Variants in RBFOX1 observed in about 807,000 individuals in gnomAD.
RBFOX1 encodes the protein RNA binding fox-1 homolog 1.
RBFOX1 carries 8 observed loss-of-function variants against 57.7 expected under a neutral mutation model. The observed-to-expected ratio is 0.14, with a 90% CI of 0.08 to 0.25. RBFOX1 has a LOEUF of 0.25. RBFOX1 is among the 10% of genes least tolerant of loss of function. RBFOX1 has a pLI of 1.00. For synonymous variants in RBFOX1, 326 were observed against 222.4 expected (o/e 1.47, Z -4.15); for missense variants, 611 against 548.5 (o/e 1.11, Z -1.14).
chr16:6,524,222 A>G (rs1287918423), intron 2 of RBFOX1, among the ~76,000 whole-genome samples: 1 of 152,090 alleles, frequency 6.6e-6, no homozygotes, highest in Non-Finnish European at 1.5e-5. Flanking sequence ...TCTAGATCCC[A>G]CAGATTAGTG....
intron 3 of RBFOX1, among the ~76,000 whole-genome samples, chr16:6,904,725 T>A (rs980545933): frequency 6.7e-6 from 1 of 150,314 alleles, no homozygotes; most frequent in African/African-American, 2.4e-5. Flanking sequence ...TTTTCTCTAC[T>A]CACAGGGACC....
intron 3 of RBFOX1, among the ~76,000 whole-genome samples, chr16:6,809,558 C>G (rs1428346780): frequency 2.6e-5 from 4 of 152,112 alleles, no homozygotes; most frequent in Admixed American, 2.0e-4. Flanking sequence ...AGACTATATC[C>G]TATTGTATAT....
intron 4 of RBFOX1, among the ~76,000 whole-genome samples, chr16:7,204,225 A>G (rs1354087128): frequency 6.6e-6 from 1 of 152,154 alleles, no homozygotes; most frequent in Non-Finnish European, 1.5e-5. Flanking sequence ...CCTACCTCTC[A>G]TCTCTTGCCT....
At position 6,921,133 on chromosome 16, in the gene RBFOX1, G is replaced by A. The variant is rs140384204; in HGVS notation, c.-15-130924G>A. Among the ~76,000 whole-genome samples the A allele has an allele frequency of 5.9e-3, 892 of 152,180 alleles. 14 individuals carry two copies. Among genetic ancestry groups the A allele is most frequent in the African/African-American group, 0.021 (863 of 41,502 alleles). Reference sequence around the variant, plus strand: ...TGATAAGTTTCCTAAACTCCCCCAGGCTGCCATCTCTTCATTTAGGAAATG... The same window carrying A: ...TGATAAGTTTCCTAAACTCCCCCAGACTGCCATCTCTTCATTTAGGAAATG... On this transcript the variant is annotated intron_variant, in intron 3 of 15. Coordinates refer to ENST00000550418, the MANE Select transcript of RBFOX1 (RefSeq NM_018723.4).
chr16:7,515,812 G>A (rs1343175583), intron 4 of RBFOX1, among the ~76,000 whole-genome samples: 1 of 152,108 alleles, frequency 6.6e-6, no homozygotes, highest in Non-Finnish European at 1.5e-5. Flanking sequence ...CACGTGTAGG[G>A]AGGTCCCCTT....
At chr16:7,563,111 C>T (rs2090811490) in intron 5 of RBFOX1, among the ~76,000 whole-genome samples, 1 of 152,094 alleles carries the variant, frequency 6.6e-6, no homozygotes, top group Non-Finnish European at 1.5e-5. Flanking sequence ...AAGATGGGCA[C>T]AATATTAGAA....
At chr16:7,567,479 G>A (rs1243689840) in intron 5 of RBFOX1, among the ~76,000 whole-genome samples, 3 of 19,282 alleles carry the variant, frequency 1.6e-4, no homozygotes, top group Non-Finnish European at 3.6e-4. Context: ...ATATCCCTAT[G>A]TATGGCCCTA....
intron 2 of RBFOX1, among the ~76,000 whole-genome samples, chr16:5,540,008 A>G (rs1300660650): frequency 6.6e-6 from 1 of 152,212 alleles, no homozygotes; most frequent in Non-Finnish European, 1.5e-5. Flanking sequence ...AGATTTTTGC[A>G]TTCTTTTTCT....
At chr16:5,748,936 T>C (rs2151613019) in intron 3 of RBFOX1, among the ~76,000 whole-genome samples, 1 of 152,324 alleles carries the variant, frequency 6.6e-6, no homozygotes, top group Admixed American at 6.5e-5. Context: ...GTTATTTTGC[T>C]CGTTAATTGA....
At chr16:7,376,432 T>C (rs1419607105) in intron 4 of RBFOX1, among the ~76,000 whole-genome samples, 1 of 152,148 alleles carries the variant, frequency 6.6e-6, no homozygotes, top group East Asian at 1.9e-4. Flanking sequence ...GCACTGGAGA[T>C]AAGAACAGGT....
At chr16:5,822,858 G>A (rs940974341) in intron 3 of RBFOX1, among the ~76,000 whole-genome samples, 2 of 152,198 alleles carry the variant, frequency 1.3e-5, no homozygotes, top group African/African-American at 4.8e-5. Context: ...GGGACCTTGA[G>A]TGTGTTGCTT....
At chr16:7,092,342 G>A (rs74008730) in intron 4 of RBFOX1, among the ~76,000 whole-genome samples, 2,089 of 152,296 alleles carry the variant, frequency 0.014, 44 homozygotes, top group African/African-American at 0.048. Context: ...ACATTAAAAT[G>A]TGAAGAAGGA....
chr16:5,352,911 C>G (rs888487843), intron 1 of RBFOX1, among the ~76,000 whole-genome samples: 2 of 152,090 alleles, frequency 1.3e-5, no homozygotes, highest in Non-Finnish European at 2.9e-5. Flanking sequence ...CCACTGTGCT[C>G]CAGCCTGGGT....
At chr16:5,706,844 G>A (rs1415654383) in intron 3 of RBFOX1, among the ~76,000 whole-genome samples, 1 of 152,032 alleles carries the variant, frequency 6.6e-6, no homozygotes, top group Non-Finnish European at 1.5e-5. Flanking sequence ...AAGAGGGCAT[G>A]GCTTTTTTTT....
chr16:7,224,171 A>G lies in RBFOX1; in HGVS notation c.27+172073A>G, dbSNP rs1002863535. ...AAAAAAAAAAAGGCTCAGTTGAGGA[A>G]CTCACTCAGCTCACTCAGTGCAATA... On this transcript the variant is annotated intron_variant, in intron 4 of 15. Coordinates refer to ENST00000550418, the MANE Select transcript of RBFOX1 (RefSeq NM_018723.4). Among the ~76,000 whole-genome samples the G allele has an allele frequency of 7.1e-4, 101 of 142,774 alleles. 1 individual carries two copies. The highest frequency in any genetic ancestry group is 2.5e-3 in the African/African-American group (98 of 39,060). 93.7% of individuals were successfully genotyped at this position (142,774 alleles called of 152,430 possible).
intron 3 of RBFOX1, among the ~76,000 whole-genome samples, chr16:5,605,912 G>C (rs746321092): frequency 3.3e-5 from 5 of 152,166 alleles, no homozygotes; most frequent in Admixed American, 6.5e-5. Flanking sequence ...ATAGAGACTT[G>C]TAGCAGCCAT....
At chr16:5,301,628 A>C (rs1414575994) in intron 1 of RBFOX1, among the ~76,000 whole-genome samples, 4 of 150,440 alleles carry the variant, frequency 2.7e-5, no homozygotes, top group African/African-American at 9.8e-5. Context: ...CAAAAAAAAA[A>C]AAAAAAAAAA....
chr16:6,061,024 G>T (rs910827972), intron 1 of RBFOX1, among the ~76,000 whole-genome samples: 5 of 152,080 alleles, frequency 3.3e-5, no homozygotes, highest in Non-Finnish European at 5.9e-5. Context: ...AACCTGGTTG[G>T]TCCAGCCCTG....
chr16:6,822,291 C>G (rs1603628961), intron 3 of RBFOX1, among the ~76,000 whole-genome samples: 2 of 152,118 alleles, frequency 1.3e-5, no homozygotes, highest in East Asian at 3.9e-4. Flanking sequence ...CATTCTATCA[C>G]CATTATTCTT....
Sources: allele counts gnomAD v4.1 joint callset (sites outside exome capture counted in the v4.1 genomes callset), GRCh38; gene constraint gnomAD v4.1.1; transcripts MANE v1.5; gene names NCBI Gene and HGNC (gene_info 2026-07-23, HGNC 2026-07-21).